The following INTS6 variants were observed in gnomAD, a reference collection of about 807,000 sequenced individuals.
The protein encoded by INTS6 is integrator complex subunit 6.
Under a neutral mutation model 104.9 loss-of-function variants are expected in INTS6, and 16 were observed. That is an observed-to-expected ratio of 0.15 (90% confidence interval 0.10 to 0.23). The LOEUF is 0.23. Ranked by LOEUF, INTS6 falls within the 10% of genes least tolerant of loss-of-function variation. The pLI, the probability that INTS6 is intolerant of heterozygous loss-of-function variation, is 1.00. For synonymous variants in INTS6, 324 were observed against 358.7 expected, an observed-to-expected ratio of 0.90 and a Z score of 1.09; for missense variants, 584 against 1,062.8, an observed-to-expected ratio of 0.55 and a Z score of 6.26.
At chr13:51,450,501 T>C (rs540205164) in intron 3 of INTS6, 661 of 985,188 alleles carry the variant, frequency 6.7e-4, no homozygotes, top group Non-Finnish European at 7.5e-4. Flanking sequence ...TTGTTAACTG[T>C]GTATGCTTCA....
At position 51,368,942 on chromosome 13, in the gene INTS6, T is replaced by G. The variant is rs762676473; in HGVS notation, c.2473A>C (p.Arg825=). The G allele has an allele frequency of 1.9e-6, 3 of 1,582,154 alleles. No individual in the cohort carries two copies. In the East Asian group the frequency reaches 6.7e-5, roughly 36 times the overall value. ...GTTCGTCTCTTATTATACATACTTC[T>G]TCCTGGCTTTCGGATCTCTTTCATT... is the stretch of plus-strand genomic sequence containing the variant. ...QIMKEIRKPG[R]KYERIFTLLK... Residue 825 remains arginine, a synonymous_variant, in exon 16 of 18, where the codon AGA becomes CGA. Transcript: ENST00000311234.
Position 51,452,324 on chromosome 13 carries a change from C to T in INTS6, c.111+91G>A. On this transcript the variant is annotated intron_variant, in intron 1 of 17. Transcript: ENST00000311234. This position sits in a 1 kb window ranked among gnomAD's most constrained non-coding sequence, Gnocchi z 4.2. ...AGCCCGGCAGCTCCCGCAGTCAGGTCCCCGACACCCCCGCCCCGGCCGCCC... is the reference window on the plus strand; with the variant it reads ...AGCCCGGCAGCTCCCGCAGTCAGGTTCCCGACACCCCCGCCCCGGCCGCCC... 8.2e-7 allele frequency: 1 copy of T among 1,218,502 alleles called. No homozygotes were observed. Among genetic ancestry groups the T allele is most frequent in the Non-Finnish European group, 1.0e-6 (1 of 973,652 alleles). 75.5% of individuals were successfully genotyped at this position (1,218,502 alleles called of 1,614,324 possible).
the INTS6 span, among the ~76,000 whole-genome samples, chr13:51,337,105 C>G: frequency 0.025 from 3,804 of 152,328 alleles, 61 homozygotes; most frequent in South Asian, 0.056. Flanking sequence ...GCTGTTCCCT[C>G]AGACTTCTTT....
At chr13:51,440,879 A>C (rs1952784788) in intron 3 of INTS6, 1 of 152,210 alleles carries the variant, frequency 6.6e-6, no homozygotes, top group South Asian at 2.1e-4. Context: ...TTGTTAAGCG[A>C]TACATAACTG....
chr13:51,353,260 T>G (rs1301950931), downstream of INTS6, among the ~76,000 whole-genome samples: 1 of 152,204 alleles, frequency 6.6e-6, no homozygotes, highest in Non-Finnish European at 1.5e-5. Flanking sequence ...TCATATTTAG[T>G]TTCAAATAGC....
intron 5 of INTS6, among the ~76,000 whole-genome samples, chr13:51,391,149 C>T (rs1376945064): frequency 1.3e-5 from 2 of 151,918 alleles, no homozygotes; most frequent in East Asian, 3.8e-4. Context: ...TAAGTATATA[C>T]AAAAAGCAAT....
At chr13:51,352,813 G>C (rs907240075), downstream of INTS6, among the ~76,000 whole-genome samples, 1 of 152,108 alleles carries the variant, frequency 6.6e-6, no homozygotes, top group African/African-American at 2.4e-5. Flanking sequence ...AGTCATGAAA[G>C]GGTGTTGGAC....
chr13:51,336,935 C>T, the INTS6 span, among the ~76,000 whole-genome samples: 3,170 of 152,346 alleles, frequency 0.021, 56 homozygotes, highest in African/African-American at 0.049. Flanking sequence ...AGCTATCAGC[C>T]GGGACAGCAG....
chr13:51,452,355 C>G lies in INTS6; in HGVS notation c.111+60G>C, dbSNP rs1233086283. ...CACCCCCGCCCCGGCCGCCCTCCCC[C>G]ACCCTGCCGCCCGCGGGCCGCCGGG... On this transcript the variant is annotated intron_variant, in intron 1 of 17. Transcript: ENST00000311234. This position sits in a 1 kb window ranked among gnomAD's most constrained non-coding sequence, Gnocchi z 4.2. 4 of 1,419,968 alleles carry G rather than the reference C, an allele frequency of 2.8e-6. No homozygotes were observed. The highest frequency in any genetic ancestry group is 1.5e-5 in the African/African-American group (1 of 66,302). 88.0% of individuals were successfully genotyped at this position (1,419,968 alleles called of 1,614,324 possible). A position where few individuals can be genotyped will look rare whatever the true frequency, so the allele number is the denominator to read the frequency against.
chr13:51,425,815 C>G (rs138091489), intron 4 of INTS6, among the ~76,000 whole-genome samples: 1 of 152,080 alleles, frequency 6.6e-6, no homozygotes, highest in East Asian at 1.9e-4. Flanking sequence ...ACAAACAGTA[C>G]TGAGTATCTG....
intron 3 of INTS6, chr13:51,450,311 T>C (rs1343259812): frequency 1.4e-5 from 14 of 985,418 alleles, no homozygotes; most frequent in South Asian, 4.7e-5. Flanking sequence ...TAGTGAATTA[T>C]TGTTGATTTA....
chr13:51,443,185 A>G (rs1417194346), intron 3 of INTS6: 1 of 152,224 alleles, frequency 6.6e-6, no homozygotes, highest in Non-Finnish European at 1.5e-5. Context: ...AATATTTCAT[A>G]AATGTGAAGA....
chr13:51,354,465 A>G (rs1955449737), intron 3 of INTS6: 1 of 152,144 alleles, frequency 6.6e-6, no homozygotes, highest in Non-Finnish European at 1.5e-5. Flanking sequence ...AGAAATACAA[A>G]TGAATTGGAG....
intron 15 of INTS6, among the ~76,000 whole-genome samples, chr13:51,373,322 G>C (rs1248047151): frequency 2.0e-5 from 3 of 151,356 alleles, no homozygotes; most frequent in Non-Finnish European, 4.4e-5. Flanking sequence ...ATATATAATT[G>C]ATAAGTCCAT....
At chr13:51,391,170 G>T (rs1317144089) in intron 5 of INTS6, among the ~76,000 whole-genome samples, 1 of 151,976 alleles carries the variant, frequency 6.6e-6, no homozygotes, top group Admixed American at 6.5e-5. Context: ...CCATAAAAAG[G>T]CTAACCATCT....
At chr13:51,352,548 C>T (rs1955415926), downstream of INTS6, among the ~76,000 whole-genome samples, 1 of 151,836 alleles carries the variant, frequency 6.6e-6, no homozygotes, top group African/African-American at 2.4e-5. Flanking sequence ...GATAGATTTA[C>T]TTCTTTCTTT....
At chr13:51,447,944 G>A (rs1952954100) in intron 3 of INTS6, 1 of 152,094 alleles carries the variant, frequency 6.6e-6, no homozygotes, top group Non-Finnish European at 1.5e-5. Context: ...TGTAATCCCA[G>A]CTGCTCAGGA....
intron 3 of INTS6, among the ~76,000 whole-genome samples, chr13:51,431,881 C>A (rs977258100): frequency 6.6e-6 from 1 of 152,028 alleles, no homozygotes; most frequent in Admixed American, 6.5e-5. Context: ...CCCTCCTTTT[C>A]CTCTGTAATA....
intron 7 of INTS6, chr13:51,384,698 C>T: frequency 2.2e-6 from 1 of 456,668 alleles, no homozygotes; most frequent in Non-Finnish European, 4.4e-6. Flanking sequence ...ATTTAACTGT[C>T]ACAAAGACCT....
Sources: gnomAD v4.1 joint callset for allele counts (sites outside exome capture counted in the v4.1 genomes callset) on GRCh38, gnomAD v4.1.1 for gene constraint, Gnocchi (gnomAD v3.1) non-coding constraint, MANE v1.5 for transcripts, NCBI Gene and HGNC (gene_info 2026-07-23, HGNC 2026-07-21) for gene names.